PCDH15: variants seen among roughly 807,000 people sequenced by gnomAD.
PCDH15 encodes the protein protocadherin related 15.
A neutral mutation model predicts 178.5 loss-of-function variants in PCDH15; 129 were observed. The ratio of observed to expected loss-of-function variants is 0.72; its 90% CI spans 0.63 to 0.84. The LOEUF (loss-of-function observed/expected upper bound fraction) is 0.84, where lower values mean the gene tolerates loss of function less well. Among genes scored for constraint, PCDH15 ranks in the 40% least tolerant of loss-of-function variants. The pLI is 0.00. For missense variants in PCDH15, 2,230 were observed against 2,099.9 expected (o/e 1.06, Z -1.21); for synonymous variants, 800 against 732.0 (o/e 1.09, Z -1.50).
At chr10:54,847,684 A>G (rs1236058270) in intron 3 of PCDH15, among the ~76,000 whole-genome samples, 1 of 152,210 alleles carries the variant, frequency 6.6e-6, no homozygotes, top group Non-Finnish European at 1.5e-5. Flanking sequence ...CTCTACTTAC[A>G]AATTAAATTT....
At chr10:55,106,225 T>C (rs1268116677) in intron 2 of PCDH15, among the ~76,000 whole-genome samples, 1 of 152,130 alleles carries the variant, frequency 6.6e-6, no homozygotes, top group Non-Finnish European at 1.5e-5. Context: ...GGTTGGAGTA[T>C]ACACATGGAT....
At chr10:54,930,804 G>C (rs1265025777) in intron 2 of PCDH15, among the ~76,000 whole-genome samples, 2 of 152,108 alleles carry the variant, frequency 1.3e-5, no homozygotes, top group South Asian at 4.1e-4. Flanking sequence ...TAGGAATTCA[G>C]TTAATAGTTC....
At chr10:53,993,042 G>A (rs1287262111) in intron 21 of PCDH15, among the ~76,000 whole-genome samples, 1 of 152,164 alleles carries the variant, frequency 6.6e-6, no homozygotes, top group African/African-American at 2.4e-5. Context: ...TCATTCAAAA[G>A]AAACAGGATA....
intron 2 of PCDH15, among the ~76,000 whole-genome samples, chr10:54,636,688 G>A (rs900939371): frequency 2.0e-5 from 3 of 151,990 alleles, no homozygotes; most frequent in South Asian, 2.1e-4. Flanking sequence ...AGGAGGTCAC[G>A]TCACCAGCAT....
chr10:53,830,772 A>T (rs1588985155), intron 30 of PCDH15, among the ~76,000 whole-genome samples: 1 of 152,150 alleles, frequency 6.6e-6, no homozygotes, highest in Non-Finnish European at 1.5e-5. Flanking sequence ...TACACTAAAA[A>T]CTCTGGCAAA....
At chr10:55,204,055 T>A (rs1380474476) in intron 1 of PCDH15, among the ~76,000 whole-genome samples, 1 of 151,096 alleles carries the variant, frequency 6.6e-6, no homozygotes, top group Admixed American at 6.6e-5. Context: ...TATTTTTATT[T>A]AAAAAATTAA....
chr10:54,725,940 G>C (rs1396483759), intron 1 of PCDH15, among the ~76,000 whole-genome samples: 1 of 151,676 alleles, frequency 6.6e-6, no homozygotes, highest in African/African-American at 2.4e-5. Flanking sequence ...AGGTTAGCAT[G>C]TAAATGAAGA....
chr10:55,180,945 A>C (rs1391252141), intron 1 of PCDH15, among the ~76,000 whole-genome samples: 1 of 152,104 alleles, frequency 6.6e-6, no homozygotes, highest in Non-Finnish European at 1.5e-5. Flanking sequence ...TCAGAGAAAA[A>C]AAACATATTT....
intron 25 of PCDH15, among the ~76,000 whole-genome samples, chr10:53,920,685 A>G (rs2083924205): frequency 6.6e-6 from 1 of 152,138 alleles, no homozygotes; most frequent in Non-Finnish European, 1.5e-5. Flanking sequence ...TATCTCTTTC[A>G]TCTAAAGAAC....
intron 8 of PCDH15, among the ~76,000 whole-genome samples, chr10:54,263,915 T>A (rs2057497431): frequency 6.6e-6 from 1 of 152,158 alleles, no homozygotes; most frequent in South Asian, 2.1e-4. Context: ...CCAGCACAGC[T>A]AGGATAAAGC....
intron 1 of PCDH15, among the ~76,000 whole-genome samples, chr10:55,196,594 C>T (rs756535876): frequency 2.0e-5 from 3 of 152,072 alleles, no homozygotes; most frequent in Non-Finnish European, 4.4e-5. Context: ...CCAGAGCACA[C>T]ACAATCTCTA....
chr10:54,150,973 AT>A (rs2044469459), intron 14 of PCDH15, among the ~76,000 whole-genome samples: 1 of 152,182 alleles, frequency 6.6e-6, no homozygotes, highest in South Asian at 2.1e-4. Flanking sequence ...TGGATGCAAA[AT>A]AGGAGCTATA....
intron 23 of PCDH15, among the ~76,000 whole-genome samples, chr10:53,943,205 C>T (rs1170310954): frequency 6.6e-6 from 1 of 151,906 alleles, no homozygotes; most frequent in Non-Finnish European, 1.5e-5. Context: ...AATGCTATGT[C>T]GGGCCGGGCG....
At chr10:54,889,096 G>A (rs1186265433) in intron 3 of PCDH15, among the ~76,000 whole-genome samples, 1 of 151,696 alleles carries the variant, frequency 6.6e-6, no homozygotes, top group African/African-American at 2.4e-5. Flanking sequence ...CAGTGACCTG[G>A]CTCATTGAAG....
chr10:55,219,160 C>G (rs1840796825), intron 1 of PCDH15, among the ~76,000 whole-genome samples: 1 of 151,936 alleles, frequency 6.6e-6, no homozygotes, highest in African/African-American at 2.4e-5. Flanking sequence ...ATGTTTCACC[C>G]TGTCAGATAT....
chr10:54,389,420 A>G (rs570047226), intron 3 of PCDH15, among the ~76,000 whole-genome samples: 1 of 152,264 alleles, frequency 6.6e-6, no homozygotes, highest in African/African-American at 2.4e-5. Flanking sequence ...ATAACTTATG[A>G]TTTAGTAGAT....
At chr10:53,900,152 CTTTA>C (rs1423345309) in intron 26 of PCDH15, among the ~76,000 whole-genome samples, 14 of 151,932 alleles carry the variant, frequency 9.2e-5, no homozygotes, top group Admixed American at 9.2e-4. Context: ...TGCTACTTGA[CTTTA>C]TTATTATAGC....
chr10:55,018,424 T>C (rs937126150), intron 2 of PCDH15, among the ~76,000 whole-genome samples: 1 of 152,132 alleles, frequency 6.6e-6, no homozygotes, highest in Admixed American at 6.6e-5. Flanking sequence ...CCTAATACAA[T>C]GAAGACATTT....
In PCDH15 at chr10:53,822,161, G is replaced by T. The variant is rs111033445; in HGVS notation, c.4368-1931C>A. ...GTGTCATAGAGGACTTAATTTTCTC[G>T]GCAGGCATCAAGTTGGTCGTGCATT... On this transcript the variant is annotated intron_variant, in intron 32 of 37. Coordinates refer to ENST00000644397, the MANE Select transcript of PCDH15 (RefSeq NM_001384140.1). 6.8e-6 allele frequency: 11 copies of T among 1,613,930 alleles called. No homozygotes were observed. Among genetic ancestry groups the T allele is most frequent in the Non-Finnish European group, 8.5e-6 (10 of 1,179,956 alleles).
Sources: allele counts gnomAD v4.1 joint callset (sites outside exome capture counted in the v4.1 genomes callset), GRCh38; gene constraint gnomAD v4.1.1; transcripts MANE v1.5; gene names NCBI Gene and HGNC (gene_info 2026-07-23, HGNC 2026-07-21).